The following AEBP2 variants were observed in gnomAD, a reference collection of about 807,000 sequenced individuals.
AEBP2 encodes the protein AE binding protein 2.
In AEBP2, 10 loss-of-function variants were observed where a neutral mutation model predicts 50.8. The observed-to-expected ratio is 0.20, with a 90% confidence interval of 0.12 to 0.33. The LOEUF is 0.33. Among genes scored for constraint, AEBP2 ranks in the 10% least tolerant of loss-of-function variants. AEBP2 has a pLI of 1.00. For missense variants in AEBP2, 570 were observed against 688.0 expected, an observed-to-expected ratio of 0.83 and a Z score of 1.92; for synonymous variants, 296 against 261.3, an observed-to-expected ratio of 1.13 and a Z score of -1.28.
intron 5 of AEBP2, 32 bp downstream of exon 5, chr12:19,500,253 A>T: frequency 1.4e-6 from 2 of 1,408,122 alleles, no homozygotes; most frequent in Non-Finnish European, 9.4e-7. Context: ...CAAATTAAAT[A>T]TAAAACTTTG....
At chr12:19,407,580 G>A (rs1375412030) in intron 1 of AEBP2, among the ~76,000 whole-genome samples, 5 of 152,094 alleles carry the variant, frequency 3.3e-5, no homozygotes, top group African/African-American at 9.7e-5. Flanking sequence ...GGTATTACAG[G>A]CGTGAGCCAC....
At chr12:19,494,871 T>G (rs561017739) in intron 4 of AEBP2, among the ~76,000 whole-genome samples, 1 of 152,044 alleles carries the variant, frequency 6.6e-6, no homozygotes, top group Non-Finnish European at 1.5e-5. Flanking sequence ...GGTCACTGCT[T>G]CTTTGTGTCA....
At chr12:19,514,636 G>A (rs1171288642) in intron 6 of AEBP2, 35 bp from the exon 7 acceptor site, 1 of 1,472,392 alleles carries the variant, frequency 6.8e-7, no homozygotes, top group Non-Finnish European at 9.3e-7. Flanking sequence ...TAAAATTAAT[G>A]TTACTTTATT....
chr12:19,514,063 A>C (rs1186301912), intron 6 of AEBP2, among the ~76,000 whole-genome samples: 1 of 149,838 alleles, frequency 6.7e-6, no homozygotes, highest in Non-Finnish European at 1.5e-5. Flanking sequence ...GCAGTGGTGC[A>C]CTCTTGGCTC....
intron 4 of AEBP2, among the ~76,000 whole-genome samples, chr12:19,497,144 T>C (rs12227820): frequency 0.021 from 3,264 of 151,896 alleles, 42 homozygotes; most frequent in East Asian, 0.043. Context: ...ATTTGTTTTA[T>C]CTTCCTACCT....
intron 1 of AEBP2, among the ~76,000 whole-genome samples, chr12:19,445,483 G>A (rs1948044760): frequency 6.6e-6 from 1 of 151,956 alleles, no homozygotes; most frequent in African/African-American, 2.4e-5. Context: ...CAAAGTGCCG[G>A]GATTATGGGC....
chr12:19,462,749 T>C (rs1225476296), intron 2 of AEBP2, 32 bp downstream of exon 2: 1 of 1,551,992 alleles, frequency 6.4e-7, no homozygotes, highest in South Asian at 1.2e-5. Flanking sequence ...TTTCGCTCCC[T>C]GTTTTCGTTA....
At chr12:19,432,474 G>A (rs907137748) in intron 1 of AEBP2, among the ~76,000 whole-genome samples, 4 of 152,060 alleles carry the variant, frequency 2.6e-5, no homozygotes, top group African/African-American at 9.7e-5. Flanking sequence ...TGGGCGGATC[G>A]CTTGAACTTG....
intron 7 of AEBP2, among the ~76,000 whole-genome samples, 158 bp from the exon 8 acceptor site, chr12:19,517,929 G>C (rs1017651045): frequency 3.3e-5 from 5 of 152,156 alleles, no homozygotes; most frequent in African/African-American, 1.2e-4. Context: ...ATGTAACTAA[G>C]TATAGATCCA....
chr12:19,520,139 C>G lies in AEBP2; in HGVS notation c.*2022C>G, dbSNP rs1052942266. ...TGTACCTGTATTTTTATTTTATTGC[C>G]TCATGTTCTTGTAAGTCATTCTTAA... On this transcript the variant is annotated 3_prime_UTR_variant, in exon 8 of 8. Coordinates refer to ENST00000266508, the MANE Select transcript of AEBP2 (RefSeq NM_153207.5). The G allele has an allele frequency of 1.3e-5, 2 of 152,314 alleles. No homozygotes were observed. The highest frequency in any genetic ancestry group is 2.9e-5 in the Non-Finnish European group (2 of 67,952). The allele number at this position is 152,314 out of a possible 1,614,324, so 9.4% of individuals were successfully genotyped here.
At chr12:19,434,799 G>A (rs891914915), upstream of AEBP2, among the ~76,000 whole-genome samples, 1 of 152,246 alleles carries the variant, frequency 6.6e-6, no homozygotes, top group African/African-American at 2.4e-5. Flanking sequence ...ATGCAGAGCA[G>A]TGATGTCTGC....
intron 1 of AEBP2, among the ~76,000 whole-genome samples, chr12:19,430,620 C>T (rs1002411299): frequency 3.3e-5 from 5 of 152,004 alleles, no homozygotes; most frequent in African/African-American, 9.7e-5. Flanking sequence ...CATGGAATGT[C>T]CTTCCATTTG....
chr12:19,475,061 G>A (rs1483147955), intron 3 of AEBP2, among the ~76,000 whole-genome samples: 1 of 152,196 alleles, frequency 6.6e-6, no homozygotes, highest in Non-Finnish European at 1.5e-5. Flanking sequence ...AAAGTGCTGG[G>A]ATTAACCACA....
intron 5 of AEBP2, among the ~76,000 whole-genome samples, chr12:19,503,002 G>C (rs905074956): frequency 6.6e-6 from 1 of 152,186 alleles, no homozygotes; most frequent in African/African-American, 2.4e-5. Flanking sequence ...TAGCCTTGTA[G>C]TGTAGTTTGA....
In AEBP2 at chr12:19,520,282, ATC is replaced by A. The variant is rs1949378226; in HGVS notation, c.*2167_*2168del. 1 of 152,206 alleles carries A rather than the reference ATC, an allele frequency of 6.6e-6. No individual in the cohort carries two copies. Among genetic ancestry groups the A allele is most frequent in the Non-Finnish European group, 1.5e-5 (1 of 68,012 alleles). The allele number at this position is 152,206 out of a possible 1,614,324, so 9.4% of individuals were successfully genotyped here. ...TTTAAAATGACACCTGAAAAGATAC[ATC>A]TGATATTTTCTATATAGAGCACAGT... On this transcript the variant is annotated 3_prime_UTR_variant, in exon 8 of 8. Transcript: ENST00000266508.
intron 1 of AEBP2, among the ~76,000 whole-genome samples, chr12:19,453,482 C>T (rs1267946785): frequency 6.6e-6 from 1 of 150,548 alleles, no homozygotes; most frequent in East Asian, 2.0e-4. Flanking sequence ...TGCAGTGGCT[C>T]GATTGAGCTC....
At chr12:19,487,442 G>A (rs1948826700) in intron 3 of AEBP2, among the ~76,000 whole-genome samples, 1 of 152,162 alleles carries the variant, frequency 6.6e-6, no homozygotes, top group South Asian at 2.1e-4. Context: ...AAGGGGCCAG[G>A]TGCAGTGGTT....
At chr12:19,433,507 C>T (rs530792883) in intron 1 of AEBP2, among the ~76,000 whole-genome samples, 11 of 152,048 alleles carry the variant, frequency 7.2e-5, no homozygotes, top group South Asian at 2.1e-4. Context: ...AGGCCAGGCA[C>T]GGTGGTTCAT....
At chr12:19,474,883 C>T (rs1948624531) in intron 3 of AEBP2, among the ~76,000 whole-genome samples, 1 of 152,066 alleles carries the variant, frequency 6.6e-6, no homozygotes. Context: ...ACCTCCGCCT[C>T]TTGGGTTCCA....
Sources: allele counts gnomAD v4.1 joint callset (sites outside exome capture counted in the v4.1 genomes callset), GRCh38; gene constraint gnomAD v4.1.1; transcripts MANE v1.5; gene names NCBI Gene and HGNC (gene_info 2026-07-23, HGNC 2026-07-21).